The following BCL11B variants were observed in gnomAD, a reference collection of about 807,000 sequenced individuals.
The protein encoded by BCL11B is BCL11 transcription factor B, also known as B-cell lymphoma/leukemia 11B.
Under a neutral mutation model 49.9 loss-of-function variants are expected in BCL11B, and 8 were observed. That is an observed-to-expected ratio of 0.16 (90% CI 0.09 to 0.29). BCL11B has a LOEUF of 0.29. Among genes scored for constraint, BCL11B ranks in the 10% least tolerant of loss-of-function variants. BCL11B has a pLI of 1.00. For missense variants in BCL11B, 1,006 were observed against 1,351.0 expected, an observed-to-expected ratio of 0.74 and a Z score of 4.00; for synonymous variants, 739 against 637.4, an observed-to-expected ratio of 1.16 and a Z score of -2.40.
chr14:99,240,850 G>A (rs941535616), intron 2 of BCL11B, among the ~76,000 whole-genome samples: 8 of 152,220 alleles, frequency 5.3e-5, no homozygotes, highest in Non-Finnish European at 1.2e-4. Context: ...AGCCACGCGC[G>A]AGACGCCGCT....
intron 2 of BCL11B, among the ~76,000 whole-genome samples, chr14:99,252,707 G>A (rs1187280313): frequency 2.6e-5 from 4 of 152,238 alleles, no homozygotes; most frequent in East Asian, 1.9e-4. Flanking sequence ...GCCTGTCTCC[G>A]CACTTCTCCA....
At chr14:99,255,289 A>G (rs537596320) in intron 2 of BCL11B, among the ~76,000 whole-genome samples, 1 of 151,956 alleles carries the variant, frequency 6.6e-6, no homozygotes, top group Non-Finnish European at 1.5e-5. Context: ...ATTATTTTAC[A>G]TATTTCTTCT....
At chr14:99,229,051 G>GATGC (rs1330993544) in intron 3 of BCL11B, among the ~76,000 whole-genome samples, 8,109 of 85,292 alleles carry the variant, frequency 0.095, 250 homozygotes, top group Non-Finnish European at 0.15. Context: ...TGCATGGATG[G>GATGC]ATGGATGGAT....
In BCL11B at chr14:99,172,218, C is replaced by T. The variant is rs371823643; in HGVS notation, c.*1933G>A. 4.5e-6 allele frequency: 1 copy of T among 223,820 alleles called. No homozygotes were observed. The highest frequency in any genetic ancestry group is 2.2e-5 in the African/African-American group (1 of 44,786). The allele number at this position is 223,820 out of a possible 1,614,324, so 13.9% of individuals were successfully genotyped here. On this transcript the variant is annotated 3_prime_UTR_variant, in exon 4 of 4. Coordinates refer to ENST00000357195, the MANE Select transcript of BCL11B (RefSeq NM_138576.4). ...TTCATTCAACGATATCAACTTGTAA[C>T]TTGTGTCACTTGAGTTTTAATTCAG...
chr14:99,181,399 G>A (rs1886697144), intron 3 of BCL11B, among the ~76,000 whole-genome samples: 1 of 152,220 alleles, frequency 6.6e-6, no homozygotes, highest in African/African-American at 2.4e-5. Context: ...GCTGGCACGT[G>A]AGCAAACTGA....
At chr14:99,233,367 G>A (rs1235409296) in intron 2 of BCL11B, among the ~76,000 whole-genome samples, 2 of 152,196 alleles carry the variant, frequency 1.3e-5, no homozygotes, top group East Asian at 1.9e-4. Flanking sequence ...CCCGAAGCCC[G>A]CAATGCTCTG....
chr14:99,260,114 T>G (rs932141520), intron 1 of BCL11B, among the ~76,000 whole-genome samples: 12 of 152,152 alleles, frequency 7.9e-5, no homozygotes, highest in Non-Finnish European at 1.2e-4. Context: ...GGGAGGAGGA[T>G]GTCAAAATAT....
rs1297631937 is a variant in BCL11B, at chr14:99,213,943, C to T, written c.640+17402G>A. Reference sequence around the variant, plus strand: ...TCCGGTGCTCCTCCGAGAGGCTTGGCCCCAGGACACTGACTCCTCCCTCTC... The same window carrying T: ...TCCGGTGCTCCTCCGAGAGGCTTGGTCCCAGGACACTGACTCCTCCCTCTC... On this transcript the variant is annotated intron_variant, in intron 3 of 3. Coordinates refer to ENST00000357195, the MANE Select transcript of BCL11B (RefSeq NM_138576.4). This position sits in a 1 kb window ranked among gnomAD's most constrained non-coding sequence, Gnocchi z 5.1. Among the ~76,000 whole-genome samples, 1 of 152,060 alleles carries T rather than the reference C, an allele frequency of 6.6e-6. No homozygotes were observed. The highest frequency in any genetic ancestry group is 1.9e-4 in the East Asian group (1 of 5,180).
chr14:99,238,325 G>A (rs1288567005), intron 2 of BCL11B, among the ~76,000 whole-genome samples: 2 of 152,132 alleles, frequency 1.3e-5, no homozygotes, highest in Non-Finnish European at 2.9e-5. Flanking sequence ...GCTGCCTCTT[G>A]CAATTTAGAG....
At chr14:99,198,519 A>G (rs1335148366) in intron 3 of BCL11B, among the ~76,000 whole-genome samples, 1 of 151,184 alleles carries the variant, frequency 6.6e-6, no homozygotes, top group African/African-American at 2.4e-5. Context: ...TTATTTCACC[A>G]CTCTCTTTTC....
chr14:99,194,750 G>A lies in BCL11B; in HGVS notation c.641-18555C>T, dbSNP rs570661627. On this transcript the variant is annotated intron_variant, in intron 3 of 3. Transcript: ENST00000357195. The surrounding 1 kb of genome is among the most constrained non-coding windows in gnomAD (Gnocchi z 4.6). ...GCTGGGACCCAGGCTTGGATGACTT[G>A]GCTCAAAAGCAGTCTCAACCGTGGA... is the stretch of plus-strand genomic sequence containing the variant. Among the ~76,000 whole-genome samples, 1 of 152,308 alleles carries A rather than the reference G, an allele frequency of 6.6e-6. No homozygotes were observed. Among genetic ancestry groups the A allele is most frequent in the East Asian group, 1.9e-4 (1 of 5,180 alleles).
In BCL11B at chr14:99,170,998, C is replaced by G. The variant is rs192250193; in HGVS notation, c.*3153G>C. 3.4e-4 allele frequency: 79 copies of G among 232,406 alleles called. No individual in the cohort carries two copies. In the East Asian group the frequency reaches 4.1e-3, roughly 12 times the overall value. 14.4% of individuals were successfully genotyped at this position (232,406 alleles called of 1,614,324 possible). A position where few individuals can be genotyped will look rare whatever the true frequency, so the allele number is the denominator to read the frequency against. On this transcript the variant is annotated 3_prime_UTR_variant, in exon 4 of 4. Transcript: ENST00000357195. ...AGTGATGGTAGAGAAGGAAGATGTTCTCTCGCTCTCTCTCCTCTACATCTG... is the reference window on the plus strand; with the variant it reads ...AGTGATGGTAGAGAAGGAAGATGTTGTCTCGCTCTCTCTCCTCTACATCTG...
rs780474472 is a variant in BCL11B, at chr14:99,176,074, C to T, written c.762G>A (p.Pro254=). The stretch of plus-strand genomic sequence containing the variant: ...GCCGCGGCGTGAGCGAGCTGCTGGC[C>T]GGCCCGGGCTCCAGGTAGATGCGGA... ...HGFRIYLEPG[P]ASSSLTPRLT... is the part of the protein sequence containing the mutation. The change falls in exon 4 of 4, where the codon CCG becomes CCA. Residue 254 remains proline, a synonymous_variant. Transcript: ENST00000357195. 8 of 1,605,422 alleles carry T rather than the reference C, an allele frequency of 5.0e-6. No homozygotes were observed. The highest frequency in any genetic ancestry group is 2.6e-6 in the Non-Finnish European group (3 of 1,175,920).
intron 2 of BCL11B, among the ~76,000 whole-genome samples, chr14:99,250,105 G>A (rs960118830): frequency 1.4e-5 from 2 of 145,996 alleles, no homozygotes; most frequent in African/African-American, 5.2e-5. Context: ...GCATGATCTC[G>A]GCTCACTGCA....
In BCL11B at chr14:99,194,526, T is replaced by G. The variant is rs1002054146; in HGVS notation, c.641-18331A>C. On this transcript the variant is annotated intron_variant, in intron 3 of 3. Coordinates refer to ENST00000357195, the MANE Select transcript of BCL11B (RefSeq NM_138576.4). This position sits in a 1 kb window ranked among gnomAD's most constrained non-coding sequence, Gnocchi z 4.6. The stretch of plus-strand genomic sequence containing the variant: ...AAGGACTGAACACTATGGGGTTCTA[T>G]TCCCAACCAGCTATGACTCGGCAGT... 3.3e-5 allele frequency among the ~76,000 whole-genome samples: 5 copies of G among 152,244 alleles called. No homozygotes were observed. The highest frequency in any genetic ancestry group is 1.2e-4 in the African/African-American group (5 of 41,466).
chr14:99,199,640 C>CTCTGTGTGTGTGTGTGTG (rs1168964373), intron 3 of BCL11B, among the ~76,000 whole-genome samples: 10 of 109,522 alleles, frequency 9.1e-5, no homozygotes, highest in African/African-American at 3.3e-4. Context: ...TGGCTAAATG[C>CTCTGTGTGTGTGTGTGTG]TGTGTGTGTG....
At chr14:99,203,552 C>G (rs904214104) in intron 3 of BCL11B, among the ~76,000 whole-genome samples, 1 of 152,196 alleles carries the variant, frequency 6.6e-6, no homozygotes, top group Admixed American at 6.5e-5. Context: ...ACTGGCTGAG[C>G]AGCATTTCCT....
At chr14:99,246,438 C>T (rs1888840615) in intron 2 of BCL11B, among the ~76,000 whole-genome samples, 1 of 152,198 alleles carries the variant, frequency 6.6e-6, no homozygotes, top group Non-Finnish European at 1.5e-5. Context: ...CAGAGGCCGG[C>T]GGCCAGGCGG....
chr14:99,266,766 C>T (rs953446696), intron 1 of BCL11B, among the ~76,000 whole-genome samples: 4 of 152,026 alleles, frequency 2.6e-5, no homozygotes, highest in African/African-American at 7.3e-5. Context: ...AGGCGCGGCT[C>T]GGCGTTTCAG....
Sources: allele counts gnomAD v4.1 joint callset (sites outside exome capture counted in the v4.1 genomes callset), GRCh38; gene constraint gnomAD v4.1.1; non-coding constraint Gnocchi (gnomAD v3.1); transcripts MANE v1.5; gene names NCBI Gene and HGNC (gene_info 2026-07-23, HGNC 2026-07-21).